Variants in CIT observed in about 807,000 individuals in gnomAD.
CIT encodes the protein citron rho-interacting serine/threonine kinase.
In CIT, 79 loss-of-function variants were observed where a neutral mutation model predicts 272.7. The observed-to-expected ratio is 0.29, with a 90% confidence interval of 0.24 to 0.35. The LOEUF (loss-of-function observed/expected upper bound fraction) is 0.35. CIT is among the 10% of genes least tolerant of loss of function. The probability of loss-of-function intolerance (pLI) is 1.00; values close to 1 mark genes in which losing one functional copy is unlikely to be tolerated. For missense variants in CIT, 1,909 were observed against 2,618.3 expected (o/e 0.73, Z 5.91); for synonymous variants, 948 against 995.6 (o/e 0.95, Z 0.90).
Position 119,712,295 on chromosome 12 carries a change from G to C in CIT, c.4737C>G (p.Pro1579=), listed in dbSNP as rs760102332. The part of the protein sequence containing the change: ...MESHPHTTCW[P]GRTLYLLAPS... Reference sequence around the variant, plus strand: ...GAGCTAGCAAGTAGAGGGTTCTCCCGGGCCAGCAGGTGGTGTGCGGGTGAG... The same window carrying C: ...GAGCTAGCAAGTAGAGGGTTCTCCCCGGCCAGCAGGTGGTGTGCGGGTGAG... The change falls in exon 37 of 48, where the codon CCC becomes CCG. Residue 1579 remains proline (P), a synonymous_variant. Transcript: ENST00000392521. This position sits in a 1 kb window ranked among gnomAD's most constrained non-coding sequence, Gnocchi z 5.2. 1 of 1,614,130 alleles carries C rather than the reference G, an allele frequency of 6.2e-7. No homozygotes were observed. The highest frequency in any genetic ancestry group is 1.7e-5 in the Admixed American group (1 of 60,006).
intron 13 of CIT, among the ~76,000 whole-genome samples, chr12:119,781,705 T>C (rs1162546337): frequency 6.6e-6 from 1 of 152,206 alleles, no homozygotes; most frequent in Non-Finnish European, 1.5e-5. Flanking sequence ...GTCTCGATTC[T>C]CCTTTCTGAA....
chr12:119,869,345 T>C (rs912370702), intron 2 of CIT, 144 bp from the exon 3 acceptor site: 1 of 715,250 alleles, frequency 1.4e-6, no homozygotes, highest in Non-Finnish European at 2.2e-6. Flanking sequence ...CTTCATTCTT[T>C]AAAGCAACGT....
chr12:119,809,988 C>A (rs1966806401), intron 9 of CIT, among the ~76,000 whole-genome samples: 1 of 152,204 alleles, frequency 6.6e-6, no homozygotes, highest in Non-Finnish European at 1.5e-5. Context: ...CCATACCTCG[C>A]CCTATGCATT....
At position 119,723,868 on chromosome 12, in the gene CIT, G is replaced by C. The variant is rs555615174; in HGVS notation, c.3592-2419C>G. The stretch of plus-strand genomic sequence containing the variant: ...TGGCAGAGGTTTAGAGCCCAGTATG[G>C]AGACGGAAAGATCCCAATGTATTCA... On this transcript the variant is annotated intron_variant, in intron 28 of 47. Coordinates refer to ENST00000392521, the MANE Select transcript of CIT (RefSeq NM_001206999.2). 8.5e-5 allele frequency among the ~76,000 whole-genome samples: 13 copies of C among 152,366 alleles called. 1 individual carries two copies. In the Middle Eastern group the frequency reaches 0.01, roughly 120 times the overall value.
Sources: gnomAD v4.1 joint callset for allele counts (sites outside exome capture counted in the v4.1 genomes callset) on GRCh38, gnomAD v4.1.1 for gene constraint, Gnocchi (gnomAD v3.1) non-coding constraint, MANE v1.5 for transcripts, NCBI Gene and HGNC (gene_info 2026-07-23, HGNC 2026-07-21) for gene names.